Variants in PKNOX2 observed in about 807,000 individuals in gnomAD.
PKNOX2 encodes homeobox protein PKNOX2.
A neutral mutation model predicts 53.1 loss-of-function variants in PKNOX2; 14 were observed. The ratio of observed to expected loss-of-function variants is 0.26; its 90% CI spans 0.17 to 0.41. PKNOX2 has a LOEUF of 0.41. Ranked by LOEUF, PKNOX2 falls within the 10% of genes least tolerant of loss-of-function variation. The pLI is 1.00. For missense variants in PKNOX2, 496 were observed against 602.8 expected (o/e 0.82, Z 1.85); for synonymous variants, 257 against 242.8 (o/e 1.06, Z -0.54).
At chr11:125,214,312 C>T (rs1210040629) in intron 1 of PKNOX2, among the ~76,000 whole-genome samples, 1 of 152,012 alleles carries the variant, frequency 6.6e-6, no homozygotes, top group Admixed American at 6.5e-5. Context: ...TTCCTCAGAG[C>T]TGGCATTTCC....
chr11:125,214,456 C>G lies in PKNOX2; in HGVS notation c.-200-20589C>G, dbSNP rs536676752. ...CTTTTCTTCTGGCTAAGAGTGACAGCCAGAGTAAGAGGTCTAAATCATGTA... is the reference window on the plus strand; with the variant it reads ...CTTTTCTTCTGGCTAAGAGTGACAGGCAGAGTAAGAGGTCTAAATCATGTA... On this transcript the variant is annotated intron_variant, in intron 1 of 12. Coordinates refer to ENST00000298282, the MANE Select transcript of PKNOX2 (RefSeq NM_001382323.2). Among the ~76,000 whole-genome samples the G allele has an allele frequency of 7.1e-4, 108 of 152,108 alleles. 1 individual carries two copies. The highest frequency in any genetic ancestry group is 1.4e-3 in the Non-Finnish European group (97 of 67,950).
chr11:125,289,710 G>T (rs1947181212), intron 2 of PKNOX2, among the ~76,000 whole-genome samples: 1 of 152,104 alleles, frequency 6.6e-6, no homozygotes, highest in African/African-American at 2.4e-5. Flanking sequence ...CAGAGCAGGG[G>T]TATCGTCCAG....
intron 10 of PKNOX2, among the ~76,000 whole-genome samples, chr11:125,424,156 T>C (rs936118637): frequency 6.6e-6 from 1 of 151,990 alleles, no homozygotes; most frequent in African/African-American, 2.4e-5. Context: ...GCTGGTAGTA[T>C]CCTATTTTTT....
chr11:125,376,613 C>G (rs1248079681), intron 5 of PKNOX2, among the ~76,000 whole-genome samples: 1 of 152,180 alleles, frequency 6.6e-6, no homozygotes, highest in African/African-American at 2.4e-5. Flanking sequence ...GGATTCTGAG[C>G]CTGAAAGAAC....
chr11:125,220,547 G>A (rs1179976278), intron 1 of PKNOX2, among the ~76,000 whole-genome samples: 2 of 152,254 alleles, frequency 1.3e-5, no homozygotes, highest in African/African-American at 4.8e-5. Context: ...TGCCACCATT[G>A]TGAGATGGGA....
intron 1 of PKNOX2, among the ~76,000 whole-genome samples, chr11:125,226,989 G>A (rs1432022353): frequency 6.6e-6 from 1 of 151,790 alleles, no homozygotes; most frequent in Non-Finnish European, 1.5e-5. Context: ...CCTCTCCTTG[G>A]ACTGATGAGC....
At chr11:125,168,491 G>A (rs934120700) in intron 1 of PKNOX2, among the ~76,000 whole-genome samples, 1 of 152,204 alleles carries the variant, frequency 6.6e-6, no homozygotes, top group Non-Finnish European at 1.5e-5. Flanking sequence ...TTACTGTCTT[G>A]TGAGTGGAGA....
chr11:125,249,591 T>C (rs1429337931), intron 2 of PKNOX2, among the ~76,000 whole-genome samples: 1 of 152,198 alleles, frequency 6.6e-6, no homozygotes, highest in Non-Finnish European at 1.5e-5. Context: ...ATTTAAAGTA[T>C]ATGGGAGAAT....
At chr11:125,356,362 G>T (rs2136224709) in intron 4 of PKNOX2, among the ~76,000 whole-genome samples, 1 of 152,350 alleles carries the variant, frequency 6.6e-6, no homozygotes. Context: ...CATTGAAAGG[G>T]TTTGGGAAGT....
chr11:125,222,969 A>T (rs1438632032), intron 1 of PKNOX2, among the ~76,000 whole-genome samples: 1 of 152,190 alleles, frequency 6.6e-6, no homozygotes, highest in Non-Finnish European at 1.5e-5. Context: ...CAGACAACCT[A>T]CAGGAAGAGC....
At chr11:125,327,275 CG>C (rs1187202450) in intron 2 of PKNOX2, among the ~76,000 whole-genome samples, 40 of 152,310 alleles carry the variant, frequency 2.6e-4, no homozygotes, top group Non-Finnish European at 5.1e-4. Context: ...TGTCCATAGA[CG>C]GGTCCAGTAG....
At chr11:125,415,234 CTTTT>C (rs35920181) in intron 10 of PKNOX2, among the ~76,000 whole-genome samples, 41 of 77,584 alleles carry the variant, frequency 5.3e-4, no homozygotes, top group Admixed American at 6.7e-4. Flanking sequence ...TAAAGTTTAG[CTTTT>C]TTTTTTTTTT....
intron 1 of PKNOX2, among the ~76,000 whole-genome samples, chr11:125,232,828 C>CTTT (rs536884769): frequency 0.016 from 2,126 of 135,626 alleles, 45 homozygotes; most frequent in African/African-American, 0.053. Flanking sequence ...TAATCCAAGT[C>CTTT]TTTTTTTTTT....
intron 6 of PKNOX2, among the ~76,000 whole-genome samples, chr11:125,386,080 C>G (rs369092990): frequency 6.6e-6 from 1 of 152,168 alleles, no homozygotes; most frequent in African/African-American, 2.4e-5. Flanking sequence ...GCAAATCTGT[C>G]TTGGGCTGTC....
chr11:125,364,502 C>T (rs1952082669), intron 4 of PKNOX2, among the ~76,000 whole-genome samples: 1 of 152,134 alleles, frequency 6.6e-6, no homozygotes, highest in Non-Finnish European at 1.5e-5. Flanking sequence ...CTTCATCCTC[C>T]TTCATCCCTC....
chr11:125,270,497 A>C (rs1393275009), intron 2 of PKNOX2, among the ~76,000 whole-genome samples: 1 of 152,180 alleles, frequency 6.6e-6, no homozygotes, highest in Middle Eastern at 3.2e-3. Context: ...TATCTTCTGT[A>C]ATTGTCCCAC....
chr11:125,174,753 A>T (rs1454068563), intron 1 of PKNOX2, among the ~76,000 whole-genome samples: 1 of 152,172 alleles, frequency 6.6e-6, no homozygotes, highest in Non-Finnish European at 1.5e-5. Context: ...TCAGGGGGAC[A>T]GAAATCAGGC....
intron 6 of PKNOX2, among the ~76,000 whole-genome samples, chr11:125,392,265 T>C (rs1954095549): frequency 6.6e-6 from 1 of 152,258 alleles, no homozygotes; most frequent in African/African-American, 2.4e-5. Context: ...GTAAAGAGAC[T>C]GAGGCTCAGA....
At chr11:125,393,004 T>TAA (rs576280119) in intron 6 of PKNOX2, among the ~76,000 whole-genome samples, 5 of 145,396 alleles carry the variant, frequency 3.4e-5, no homozygotes, top group South Asian at 4.4e-4. Context: ...TAAAAATACA[T>TAA]AAAAAAAAAA....
Sources: allele counts gnomAD v4.1 joint callset (sites outside exome capture counted in the v4.1 genomes callset), GRCh38; gene constraint gnomAD v4.1.1; transcripts MANE v1.5; gene names NCBI Gene and HGNC (gene_info 2026-07-23, HGNC 2026-07-21).